The following COLEC10 variants were observed in gnomAD, a reference collection of about 807,000 sequenced individuals.
The protein encoded by COLEC10 is collectin subfamily member 10.
COLEC10 carries 22 observed loss-of-function variants against 28.4 expected under a neutral mutation model. The observed-to-expected ratio is 0.78, with a 90% confidence interval of 0.55 to 1.11. The LOEUF is 1.11. Ranked by LOEUF, COLEC10 falls within the 50% of genes least tolerant of loss-of-function variation. The pLI is 0.00. For synonymous variants in COLEC10, 125 were observed against 116.1 expected (o/e 1.08, Z -0.49); for missense variants, 361 against 344.1 (o/e 1.05, Z -0.39).
At chr8:119,045,989 A>G (rs1411797356) in intron 2 of COLEC10, among the ~76,000 whole-genome samples, 2 of 152,222 alleles carry the variant, frequency 1.3e-5, no homozygotes, top group East Asian at 1.9e-4. Context: ...TTTACGGTAG[A>G]TTGACTCATG....
intron 1 of COLEC10, among the ~76,000 whole-genome samples, chr8:119,080,065 T>A (rs1009962399): frequency 2.0e-5 from 3 of 152,290 alleles, no homozygotes; most frequent in South Asian, 4.1e-4. Flanking sequence ...ATCTTGTCAT[T>A]TGGGGAGAAA....
chr8:119,015,347 T>G (rs750502213), intron 2 of COLEC10, among the ~76,000 whole-genome samples: 18 of 150,920 alleles, frequency 1.2e-4, no homozygotes, highest in Admixed American at 9.9e-4. Context: ...ATGGCTGGTG[T>G]GGGCTGGAGT....
chr8:118,973,337 C>T, the COLEC10 span, among the ~76,000 whole-genome samples: 8 of 151,944 alleles, frequency 5.3e-5, no homozygotes, highest in Non-Finnish European at 1.5e-5. Context: ...TTCTATAAGA[C>T]TGCAATCAAA....
intron 2 of COLEC10, among the ~76,000 whole-genome samples, chr8:119,057,072 T>C (rs1225006328): frequency 3.3e-5 from 5 of 152,082 alleles, no homozygotes; most frequent in African/African-American, 1.2e-4. Context: ...GGCTCTGTGT[T>C]GCCACCCAAA....
At chr8:119,087,018 G>C (rs1278484515) in intron 1 of COLEC10, among the ~76,000 whole-genome samples, 1 of 152,160 alleles carries the variant, frequency 6.6e-6, no homozygotes, top group Non-Finnish European at 1.5e-5. Flanking sequence ...TTCCTTTTCT[G>C]TAAAATGGAG....
rs928605794 is a variant in COLEC10 at position 119,083,389 on chromosome 8, G to A, written c.149-6291G>A. Among the ~76,000 whole-genome samples the A allele has an allele frequency of 2.6e-5, 4 of 152,252 alleles. No homozygotes were observed. In the East Asian group the frequency reaches 7.7e-4, roughly 29 times the overall value. ...AATGAGACTTGTGGGCTCTTATTGG[G>A]TCACATGTGAATTGCTGAATGAATT... On this transcript the variant is annotated intron_variant, in intron 1 of 5. Transcript: ENST00000332843.
At chr8:119,004,760 C>T (rs543691777) in intron 1 of COLEC10, among the ~76,000 whole-genome samples, 2 of 151,844 alleles carry the variant, frequency 1.3e-5, no homozygotes, top group African/African-American at 4.8e-5. Context: ...AATTGCTCAC[C>T]TGGGAGTAAT....
At chr8:119,077,258 T>TC (rs1563736420) in intron 1 of COLEC10, among the ~76,000 whole-genome samples, 1 of 149,976 alleles carries the variant, frequency 6.7e-6, no homozygotes, top group African/African-American at 2.4e-5. Flanking sequence ...TTTTTTTTTT[T>TC]TTTTTTTTTG....
At chr8:119,101,043 T>C (rs531971719) in intron 3 of COLEC10, among the ~76,000 whole-genome samples, 2 of 152,124 alleles carry the variant, frequency 1.3e-5, no homozygotes, top group Non-Finnish European at 2.9e-5. Flanking sequence ...GAAAAGCCAA[T>C]GGGTGTCCTC....
intron 1 of COLEC10, among the ~76,000 whole-genome samples, chr8:118,996,732 C>T (rs565560460): frequency 1.0e-3 from 157 of 152,272 alleles, no homozygotes; most frequent in Non-Finnish European, 1.6e-3. Flanking sequence ...GAGGTTTAAT[C>T]GGCTCATGGT....
At chr8:118,956,010 TCA>T in the COLEC10 span, among the ~76,000 whole-genome samples, 1 of 152,220 alleles carries the variant, frequency 6.6e-6, no homozygotes, top group East Asian at 1.9e-4. Flanking sequence ...AATTTATTTC[TCA>T]CAGTTTTGGA....
intron 1 of COLEC10, among the ~76,000 whole-genome samples, chr8:119,003,785 C>G (rs960097272): frequency 6.6e-6 from 1 of 152,042 alleles, no homozygotes; most frequent in Admixed American, 6.6e-5. Flanking sequence ...TTCCCAGATT[C>G]TCTTGATTTT....
intron 2 of COLEC10, among the ~76,000 whole-genome samples, chr8:119,044,459 A>T (rs180735665): frequency 1.2e-3 from 188 of 152,330 alleles, no homozygotes; most frequent in African/African-American, 4.3e-3. Flanking sequence ...GGTGTATTCA[A>T]TAAGAATTGT....
chr8:119,016,165 C>T (rs930329668), intron 2 of COLEC10, among the ~76,000 whole-genome samples: 1 of 152,042 alleles, frequency 6.6e-6, no homozygotes, highest in Non-Finnish European at 1.5e-5. Flanking sequence ...TGTCCTAATG[C>T]TCTCCCTTCC....
intron 1 of COLEC10, among the ~76,000 whole-genome samples, chr8:119,082,435 G>A (rs1815388180): frequency 6.6e-6 from 1 of 152,142 alleles, no homozygotes; most frequent in Non-Finnish European, 1.5e-5. Flanking sequence ...CAATTATTGA[G>A]CAATCACCTA....
chr8:118,983,035 T>C, the COLEC10 span, among the ~76,000 whole-genome samples: 1 of 152,188 alleles, frequency 6.6e-6, no homozygotes, highest in Non-Finnish European at 1.5e-5. Context: ...TGGTGCTGTT[T>C]GCATGAAATG....
chr8:119,058,959 T>C (rs1259035220), intron 2 of COLEC10, among the ~76,000 whole-genome samples: 1 of 152,078 alleles, frequency 6.6e-6, no homozygotes, highest in African/African-American at 2.4e-5. Flanking sequence ...TGGCCAGTCT[T>C]ACCTATATAT....
chr8:119,103,958 A>T, intron 5 of COLEC10, 63 bp downstream of exon 5: 1 of 1,079,672 alleles, frequency 9.3e-7, no homozygotes, highest in South Asian at 1.3e-5. Flanking sequence ...CTACAATTCC[A>T]GTACTCTTAG....
rs758740979 is a variant in COLEC10, at chr8:119,106,154, T to C, written c.797T>C (p.Met266Thr). ...RWNDTECHLT[M>T]YFVCEFIKKK... ...AATGACACAGAGTGCCATCTTACCATGTACTTTGTCTGTGAGTTCATCAAG... is the reference window on the plus strand; with the variant it reads ...AATGACACAGAGTGCCATCTTACCACGTACTTTGTCTGTGAGTTCATCAAG... The change falls in exon 6 of 6, where the codon ATG (methionine) becomes ACG (threonine). Residue 266 changes from methionine (M) to threonine (T), a missense_variant. Physicochemically the swap from Met to Thr is moderately conservative, Grantham distance 81. Coordinates refer to ENST00000332843, the MANE Select transcript of COLEC10 (RefSeq NM_006438.5). The C allele has an allele frequency of 3.7e-6, 6 of 1,608,370 alleles. No individual in the cohort carries two copies. The highest frequency in any genetic ancestry group is 1.3e-5 in the African/African-American group (1 of 74,810).
Sources: gnomAD v4.1 joint callset for allele counts (sites outside exome capture counted in the v4.1 genomes callset) on GRCh38, gnomAD v4.1.1 for gene constraint, MANE v1.5 for transcripts, NCBI Gene and HGNC (gene_info 2026-07-23, HGNC 2026-07-21) for gene names.